Variants in XRN2 observed in about 807,000 individuals in gnomAD.
XRN2 encodes DHM1-like protein.
A neutral mutation model predicts 138.5 loss-of-function variants in XRN2; 44 were observed. The ratio of observed to expected loss-of-function variants is 0.32; its 90% confidence interval spans 0.25 to 0.41. The LOEUF is 0.41. XRN2 is among the 10% of genes least tolerant of loss of function. XRN2 has a pLI of 1.00. For missense variants in XRN2, 937 were observed against 1,169.3 expected, an observed-to-expected ratio of 0.80 and a Z score of 2.90; for synonymous variants, 354 against 369.4, an observed-to-expected ratio of 0.96 and a Z score of 0.48.
intron 20 of XRN2, among the ~76,000 whole-genome samples, chr20:21,351,509 G>T (rs1237854003): frequency 6.6e-6 from 1 of 152,128 alleles, no homozygotes; most frequent in Non-Finnish European, 1.5e-5. Flanking sequence ...TTGGATATAT[G>T]ATTTGCATGT....
intron 24 of XRN2, among the ~76,000 whole-genome samples, chr20:21,363,129 A>G (rs1000574098): frequency 6.6e-6 from 1 of 152,168 alleles, no homozygotes; most frequent in Non-Finnish European, 1.5e-5. Context: ...GCTTTAGCCC[A>G]CACTGACAAA....
chr20:21,332,022 C>T (rs2038217220), intron 8 of XRN2, among the ~76,000 whole-genome samples: 1 of 152,128 alleles, frequency 6.6e-6, no homozygotes, highest in Admixed American at 6.6e-5. Context: ...TTACATTTTT[C>T]AACCTTTTAA....
At chr20:21,377,141 C>T (rs1395062725) in intron 27 of XRN2, among the ~76,000 whole-genome samples, 2 of 151,876 alleles carry the variant, frequency 1.3e-5, no homozygotes, top group Non-Finnish European at 2.9e-5. Context: ...TAATTAGCTT[C>T]ATCTAGAATG....
In XRN2 at chr20:21,365,662, G is replaced by C; in HGVS notation, c.2414G>C (p.Arg805Pro). Residue 805 changes from arginine (R) to proline (P), a missense_variant, in exon 26 of 30, where the codon CGG becomes CCG. This residue lies in a region of XRN2 where 372 missense variants were observed against 414.4 expected (regional missense o/e 0.90). Transcript: ENST00000377191. ...CCTCAGCTTGGCTTTAACCGTGACC[G>C]GAGGCCTGTGCACCTGGATCAGGCA... ...WKPQLGFNRD[R>P]RPVHLDQAAF... 6.2e-7 allele frequency: 1 copy of C among 1,607,746 alleles called. No homozygotes were observed. The highest frequency in any genetic ancestry group is 1.4e-5 in the African/African-American group (1 of 72,964).
intron 13 of XRN2, among the ~76,000 whole-genome samples, chr20:21,336,886 A>C (rs1346578595): frequency 6.6e-6 from 1 of 152,234 alleles, no homozygotes; most frequent in Non-Finnish European, 1.5e-5. Flanking sequence ...GTGAGGGAGC[A>C]CACTGCAGAT....
chr20:21,334,325 G>A, intron 13 of XRN2, 140 bp downstream of exon 13: 1 of 691,508 alleles, frequency 1.4e-6, no homozygotes, highest in Non-Finnish European at 2.4e-6. Flanking sequence ...TGAGTGGTCA[G>A]TGCTTTGATT....
rs1035469756 is a variant in XRN2 at position 21,384,477 on chromosome 20, A to G, written c.2649-2391A>G. On this transcript the variant is annotated intron_variant, in intron 28 of 29. Coordinates refer to ENST00000377191, the MANE Select transcript of XRN2 (RefSeq NM_012255.5). ...CCAAATGGCTCAAATAAGTTGCCTT[A>G]TTTATTAACTTCTTTTATTGATTTA... Among the ~76,000 whole-genome samples the G allele has an allele frequency of 2.0e-5, 3 of 152,256 alleles. No homozygotes were observed. The South Asian group carries it at 6.2e-4, about 32-fold the overall frequency.
intron 1 of XRN2, among the ~76,000 whole-genome samples, chr20:21,318,479 T>G (rs1489611918): frequency 6.6e-6 from 1 of 152,156 alleles, no homozygotes; most frequent in African/African-American, 2.4e-5. Context: ...TACTCTCTTT[T>G]GGTATCTTAA....
At chr20:21,384,298 T>C (rs921395597) in intron 28 of XRN2, among the ~76,000 whole-genome samples, 2 of 152,214 alleles carry the variant, frequency 1.3e-5, no homozygotes, top group Non-Finnish European at 2.9e-5. Flanking sequence ...TTTTTACCTA[T>C]GAGTGTTAAG....
At chr20:21,381,535 TAATG>T (rs1445660708) in intron 27 of XRN2, among the ~76,000 whole-genome samples, 15 of 152,218 alleles carry the variant, frequency 9.9e-5, no homozygotes, top group Non-Finnish European at 1.6e-4. Flanking sequence ...TGCTTAATGT[TAATG>T]AAAGCAATTT....
At chr20:21,303,982 AC>A in intron 1 of XRN2, 1 of 480,938 alleles carries the variant, frequency 2.1e-6, no homozygotes, top group Non-Finnish European at 2.7e-6. Flanking sequence ...AGTGTTCAGG[AC>A]CATTTGTTGT....
chr20:21,303,868 A>G (rs1005474058), intron 1 of XRN2: 4 of 985,016 alleles, frequency 4.1e-6, no homozygotes, highest in South Asian at 4.7e-5. Flanking sequence ...CTAGCGGGTT[A>G]TGGATGCACG....
chr20:21,343,085 A>T (rs1182903346), intron 15 of XRN2, among the ~76,000 whole-genome samples: 3 of 152,212 alleles, frequency 2.0e-5, no homozygotes, highest in South Asian at 4.1e-4. Flanking sequence ...TATGCTGTGG[A>T]TACTCTAATT....
At chr20:21,370,823 A>G (rs1228983602) in intron 27 of XRN2, among the ~76,000 whole-genome samples, 1 of 152,128 alleles carries the variant, frequency 6.6e-6, no homozygotes, top group Non-Finnish European at 1.5e-5. Flanking sequence ...GTTATTTTTG[A>G]GCTCCATTGT....
intron 29 of XRN2, among the ~76,000 whole-genome samples, chr20:21,388,603 T>G (rs2038958718): frequency 1.3e-5 from 2 of 152,158 alleles, no homozygotes; most frequent in African/African-American, 4.8e-5. Flanking sequence ...TGAAGTGCTC[T>G]CTGGGTGGCA....
At chr20:21,321,289 C>T (rs2038039362) in intron 1 of XRN2, among the ~76,000 whole-genome samples, 1 of 140,628 alleles carries the variant, frequency 7.1e-6, no homozygotes, top group Non-Finnish European at 1.5e-5. Flanking sequence ...AGTTATGAGC[C>T]ACTGTGCCTG....
intron 21 of XRN2, among the ~76,000 whole-genome samples, chr20:21,355,617 A>G (rs1016417010): frequency 2.0e-5 from 3 of 152,000 alleles, no homozygotes; most frequent in African/African-American, 7.2e-5. Context: ...CCTGATAACT[A>G]TTGATCTTTT....
chr20:21,320,291 T>G lies in XRN2; in HGVS notation c.76-5988T>G, dbSNP rs5840911. Among the ~76,000 whole-genome samples the G allele has an allele frequency of 3.2e-3, 100 of 30,936 alleles. No homozygotes were observed. In the Middle Eastern group the frequency reaches 0.062, roughly 19 times the overall value. The allele number at this position is 30,936 out of a possible 152,430, so 20.3% of individuals were successfully genotyped here. A position where few individuals can be genotyped will look rare whatever the true frequency, so the allele number is the denominator to read the frequency against. ...TTTATTTATTTATGTATTTATTTAT[T>G]TATGTATTTATTTATTTATTTATTT... is the stretch of plus-strand genomic sequence containing the variant. On this transcript the variant is annotated intron_variant, in intron 1 of 29. Coordinates refer to ENST00000377191, the MANE Select transcript of XRN2 (RefSeq NM_012255.5).
rs371862010 is a variant in XRN2 at position 21,344,074 on chromosome 20, T to C, written c.1411-16T>C. The C allele has an allele frequency of 5.8e-6, 9 of 1,561,100 alleles. No homozygotes were observed. Among genetic ancestry groups the C allele is most frequent in the African/African-American group, 4.1e-5 (3 of 73,688 alleles). Reference sequence around the variant, plus strand: ...ATAATGAAATCCTTCTTCTGTAATGTCATCATTGTCTGCAGAGTCCTTCGA... The same window carrying C: ...ATAATGAAATCCTTCTTCTGTAATGCCATCATTGTCTGCAGAGTCCTTCGA... On this transcript the variant is annotated splice_polypyrimidine_tract_variant and intron_variant, in intron 15 of 29. Transcript: ENST00000377191.
Sources: gnomAD v4.1 joint callset for allele counts (sites outside exome capture counted in the v4.1 genomes callset) on GRCh38, gnomAD v4.1.1 for gene constraint, gnomAD v4.1.1 regional missense constraint, MANE v1.5 for transcripts, NCBI Gene and HGNC (gene_info 2026-07-23, HGNC 2026-07-21) for gene names.